The following ADCY8 variants were observed in gnomAD, a reference collection of about 807,000 sequenced individuals.
ADCY8 encodes the protein adenylate cyclase type 8.
Under a neutral mutation model 119.7 loss-of-function variants are expected in ADCY8, and 51 were observed. The observed-to-expected ratio is 0.43, with a 90% CI of 0.34 to 0.54. The LOEUF (loss-of-function observed/expected upper bound fraction) is 0.54. Among genes scored for constraint, ADCY8 ranks in the 20% least tolerant of loss-of-function variants. ADCY8 has a pLI of 0.03. For synonymous variants in ADCY8, 665 were observed against 651.0 expected (o/e 1.02, Z -0.33); for missense variants, 1,383 against 1,598.8 (o/e 0.87, Z 2.30).
intron 1 of ADCY8, among the ~76,000 whole-genome samples, chr8:130,992,382 C>CATATATATATATATATATATATAT: frequency 1.3e-5 from 1 of 78,090 alleles, no homozygotes; most frequent in African/African-American, 5.3e-5. Context: ...CTGTATCTGG[C>CATATATATATATATATATATATAT]ATATATATAT....
intron 2 of ADCY8, among the ~76,000 whole-genome samples, chr8:130,989,585 T>C (rs1370148428): frequency 1.3e-5 from 2 of 152,172 alleles, no homozygotes; most frequent in African/African-American, 4.8e-5. Context: ...CATATATACT[T>C]AGGATGCTAC....
chr8:131,022,594 T>A (rs1823708168), intron 1 of ADCY8, among the ~76,000 whole-genome samples: 1 of 152,202 alleles, frequency 6.6e-6, no homozygotes, highest in South Asian at 2.1e-4. Context: ...TATTATTTGA[T>A]GTCTATATTT....
At chr8:130,885,748 A>G (rs1818959583) in intron 7 of ADCY8, among the ~76,000 whole-genome samples, 1 of 152,100 alleles carries the variant, frequency 6.6e-6, no homozygotes, top group Non-Finnish European at 1.5e-5. Flanking sequence ...TTCTTGAAGG[A>G]AAGTAGAGGA....
At position 130,810,347 on chromosome 8, in the gene ADCY8, T is replaced by TACACACACACACACAC. The variant is rs58781726; in HGVS notation, c.2913+3706_2913+3721dup. Among the ~76,000 whole-genome samples, 54 of 142,750 alleles carry TACACACACACACACAC rather than the reference T, an allele frequency of 3.8e-4. No individual in the cohort carries two copies. The East Asian group carries it at 5.2e-3, about 14-fold the overall frequency. 93.6% of individuals were successfully genotyped at this position (142,750 alleles called of 152,430 possible). A position where few individuals can be genotyped will look rare whatever the true frequency, so the allele number is the denominator to read the frequency against. On this transcript the variant is annotated intron_variant, in intron 14 of 17. Coordinates refer to ENST00000286355, the MANE Select transcript of ADCY8 (RefSeq NM_001115.3). Reference sequence around the variant, plus strand: ...ATGACTCTGTCTTTCTCTCTTTTTCTACACACACACACACACACACACACA... The same window carrying TACACACACACACACAC: ...ATGACTCTGTCTTTCTCTCTTTTTCTACACACACACACACACACACACACACACACACACACACACA...
Position 130,821,400 on chromosome 8 carries a change from T to TC in ADCY8, c.2695dup (p.Glu899GlyfsTer41). On this transcript the variant is annotated frameshift_variant, in exon 13 of 18. Coordinates refer to ENST00000286355, the MANE Select transcript of ADCY8 (RefSeq NM_001115.3). LOFTEE classifies it high-confidence loss of function. ...CATGGCCATCAGTAGCAGTGATACC[T>TC]CCTTGGTCCCCAGGAAATCTCTGTT... The TC allele has an allele frequency of 1.9e-6, 3 of 1,613,300 alleles. No individual in the cohort carries two copies. The highest frequency in any genetic ancestry group is 2.5e-6 in the Non-Finnish European group (3 of 1,179,488).
At chr8:130,829,729 G>C (rs111561076) in intron 12 of ADCY8, among the ~76,000 whole-genome samples, 1 of 152,206 alleles carries the variant, frequency 6.6e-6, no homozygotes, top group African/African-American at 2.4e-5. Context: ...GTCATGAAAG[G>C]ATTAATAATT....
At chr8:130,876,438 A>G (rs553049421) in intron 8 of ADCY8, among the ~76,000 whole-genome samples, 29 of 132,226 alleles carry the variant, frequency 2.2e-4, no homozygotes, top group Non-Finnish European at 4.3e-4. Context: ...TGCTCAAGCT[A>G]ATCAGCCTTT....
intron 7 of ADCY8, among the ~76,000 whole-genome samples, chr8:130,903,231 A>G (rs2130527299): frequency 6.6e-6 from 1 of 152,262 alleles, no homozygotes; most frequent in Non-Finnish European, 1.5e-5. Context: ...TGCTATATAA[A>G]AATAGAATCA....
chr8:130,854,786 C>A (rs1297790752), intron 9 of ADCY8, among the ~76,000 whole-genome samples: 1 of 149,960 alleles, frequency 6.7e-6, no homozygotes, highest in Non-Finnish European at 1.5e-5. Context: ...AGACCCAGTG[C>A]CTGCCTCTTT....
At chr8:130,968,490 A>T (rs746262225) in intron 2 of ADCY8, among the ~76,000 whole-genome samples, 1 of 152,112 alleles carries the variant, frequency 6.6e-6, no homozygotes, top group Non-Finnish European at 1.5e-5. Flanking sequence ...GCTTTTTATC[A>T]TCACTATTCC....
At chr8:130,989,699 A>G (rs1003595620) in intron 2 of ADCY8, among the ~76,000 whole-genome samples, 2 of 152,222 alleles carry the variant, frequency 1.3e-5, no homozygotes, top group Admixed American at 1.3e-4. Flanking sequence ...AAATATCTTT[A>G]ATAGGGACAA....
intron 3 of ADCY8, among the ~76,000 whole-genome samples, chr8:130,949,311 C>T (rs909346724): frequency 5.9e-5 from 9 of 152,056 alleles, no homozygotes; most frequent in African/African-American, 2.2e-4. Context: ...GTTGAATTTT[C>T]CTTATTTTTC....
intron 1 of ADCY8, 96 bp downstream of exon 1, chr8:131,039,278 T>TAAAGAGAGTG (rs551419800): frequency 1.5e-4 from 227 of 1,529,934 alleles, no homozygotes; most frequent in South Asian, 1.1e-4. Flanking sequence ...GGCGGAGACT[T>TAAAGAGAGTG]AAAGAGAGTG....
chr8:130,944,351 A>G (rs1249303206), intron 3 of ADCY8, among the ~76,000 whole-genome samples: 1 of 152,192 alleles, frequency 6.6e-6, no homozygotes, highest in Non-Finnish European at 1.5e-5. Flanking sequence ...AAAACAGGAT[A>G]CCATATTTGA....
At chr8:130,840,565 G>C (rs779672749) in intron 11 of ADCY8, among the ~76,000 whole-genome samples, 41 of 152,144 alleles carry the variant, frequency 2.7e-4, no homozygotes, top group Admixed American at 1.2e-3. Context: ...GGAAAGCAGG[G>C]TGTAAAATTA....
intron 8 of ADCY8, among the ~76,000 whole-genome samples, chr8:130,880,255 G>GT (rs1818720251): frequency 6.6e-6 from 1 of 152,286 alleles, no homozygotes; most frequent in South Asian, 2.1e-4. Context: ...TCACACTCAT[G>GT]TAAGACCAGA....
At chr8:130,831,346 T>C (rs1465436087) in intron 12 of ADCY8, among the ~76,000 whole-genome samples, 1 of 152,224 alleles carries the variant, frequency 6.6e-6, no homozygotes, top group East Asian at 1.9e-4. Flanking sequence ...GTCTTCAAAA[T>C]TTCCTATTTT....
intron 1 of ADCY8, chr8:130,990,919 A>C (rs887169316): frequency 6.3e-6 from 1 of 158,972 alleles, no homozygotes; most frequent in African/African-American, 2.4e-5. Flanking sequence ...TAAAAAGAAG[A>C]GACTAATAAG....
intron 1 of ADCY8, among the ~76,000 whole-genome samples, chr8:131,030,806 CA>C (rs1823973539): frequency 6.6e-5 from 10 of 152,222 alleles, no homozygotes; most frequent in Admixed American, 5.2e-4. Context: ...CCAGCAAAAT[CA>C]TTTTTTGGCC....
Sources: allele counts gnomAD v4.1 joint callset (sites outside exome capture counted in the v4.1 genomes callset), GRCh38; gene constraint gnomAD v4.1.1; transcripts MANE v1.5; gene names NCBI Gene and HGNC (gene_info 2026-07-23, HGNC 2026-07-21).